The following SP110 variants were observed in gnomAD, a reference collection of about 807,000 sequenced individuals.
SP110 encodes interferon-induced protein 41, 30kD.
In SP110, 62 loss-of-function variants were observed where a neutral mutation model predicts 92.7. The observed-to-expected ratio is 0.67, with a 90% confidence interval of 0.55 to 0.83. SP110 has a LOEUF of 0.83. SP110 is among the 40% of genes least tolerant of loss of function. The pLI is 0.00. For synonymous variants in SP110, 273 were observed against 305.3 expected (o/e 0.89, Z 1.10); for missense variants, 793 against 863.9 (o/e 0.92, Z 1.03).
intron 8 of SP110, among the ~76,000 whole-genome samples, chr2:230,205,645 G>A (rs567114250): frequency 6.6e-6 from 1 of 152,000 alleles, no homozygotes; most frequent in Non-Finnish European, 1.5e-5. Flanking sequence ...TATACAGTTA[G>A]TGCTCACTGC....
upstream of SP110, among the ~76,000 whole-genome samples, chr2:230,222,395 C>T (rs899511156): frequency 1.3e-5 from 2 of 151,996 alleles, no homozygotes; most frequent in African/African-American, 4.8e-5. Flanking sequence ...GTACATTTTA[C>T]CAAATGTAGT....
intron 9 of SP110, 148 bp from the exon 10 acceptor site, chr2:230,201,113 G>T: frequency 1.4e-6 from 1 of 726,120 alleles, no homozygotes; most frequent in South Asian, 1.5e-5. Flanking sequence ...CAAGAGATTT[G>T]GTGCTGCTCA....
chr2:230,219,017 G>T (rs1426660315), intron 1 of SP110, among the ~76,000 whole-genome samples: 2 of 152,178 alleles, frequency 1.3e-5, no homozygotes, highest in African/African-American at 4.8e-5. Flanking sequence ...CTGAGGTCAG[G>T]AGTTCGAGAC....
At chr2:230,177,159 TG>T (rs1222549090) in intron 14 of SP110, among the ~76,000 whole-genome samples, 1 of 152,170 alleles carries the variant, frequency 6.6e-6, no homozygotes, top group Non-Finnish European at 1.5e-5. Flanking sequence ...GACCACGGAC[TG>T]GGCAGCCTGG....
At chr2:230,182,190 G>A (rs2148729073) in intron 12 of SP110, among the ~76,000 whole-genome samples, 1 of 151,752 alleles carries the variant, frequency 6.6e-6, no homozygotes, top group Non-Finnish European at 1.5e-5. Context: ...ATTATCCTCA[G>A]CAAACTAATG....
intron 10 of SP110, among the ~76,000 whole-genome samples, chr2:230,189,811 G>C (rs113480770): frequency 1.3e-5 from 2 of 152,040 alleles, no homozygotes; most frequent in African/African-American, 4.8e-5. Flanking sequence ...TTCTGTTCCT[G>C]TGTTACTTTG....
In SP110 at chr2:230,170,612, G is replaced by A. The variant is rs201368482; in HGVS notation, c.2028+9C>T. 1.2e-5 allele frequency: 19 copies of A among 1,613,980 alleles called. No homozygotes were observed. The highest frequency in any genetic ancestry group is 1.6e-5 in the Non-Finnish European group (19 of 1,179,996). ...AAGACGCAAAAAGGAAGCAGGAAATGCTCTTTACCTTGTAAAATGTTTTAT... is the reference window on the plus strand; with the variant it reads ...AAGACGCAAAAAGGAAGCAGGAAATACTCTTTACCTTGTAAAATGTTTTAT... On this transcript the variant is annotated intron_variant, in intron 18 of 18. Transcript: ENST00000258381.
At chr2:230,171,293 T>C (rs577143712) in intron 17 of SP110, among the ~76,000 whole-genome samples, 55 of 152,364 alleles carry the variant, frequency 3.6e-4, no homozygotes, top group African/African-American at 1.3e-3. Context: ...GGTTTTGCCA[T>C]GTTGGCCAAG....
chr2:230,199,280 C>T (rs1365834931), intron 10 of SP110, among the ~76,000 whole-genome samples: 2 of 134,532 alleles, frequency 1.5e-5, no homozygotes, highest in Non-Finnish European at 3.0e-5. Flanking sequence ...GTGATCTTGG[C>T]TCGCTGCAAC....
intron 2 of SP110, among the ~76,000 whole-genome samples, chr2:230,215,701 T>C (rs2045077021): frequency 6.6e-6 from 1 of 152,220 alleles, no homozygotes; most frequent in Non-Finnish European, 1.5e-5. Flanking sequence ...CTAGGCTCGG[T>C]CAGCGAGTCT....
At chr2:230,180,081 G>T (rs571130138) in intron 12 of SP110, among the ~76,000 whole-genome samples, 1 of 152,260 alleles carries the variant, frequency 6.6e-6, no homozygotes, top group South Asian at 2.1e-4. Context: ...GCTCTCTAAC[G>T]GCAGCTGGCT....
At chr2:230,209,049 A>G (rs1056433481) in intron 7 of SP110, among the ~76,000 whole-genome samples, 6 of 152,250 alleles carry the variant, frequency 3.9e-5, no homozygotes, top group African/African-American at 1.4e-4. Context: ...AAATAAGCAC[A>G]GAAAAATATA....
intron 1 of SP110, 127 bp downstream of exon 1, chr2:230,219,747 T>C (rs908436204): frequency 5.6e-6 from 1 of 179,508 alleles, no homozygotes; most frequent in Non-Finnish European, 1.1e-5. Flanking sequence ...GTACCACATG[T>C]CTGAGCTCTG....
At chr2:230,177,708 T>A in intron 13 of SP110, 28 bp from the exon 14 acceptor site, 2 of 1,613,000 alleles carry the variant, frequency 1.2e-6, no homozygotes, top group South Asian at 2.2e-5. Context: ...TTCTTGGATC[T>A]ACCCCCATCC....
intron 1 of SP110, among the ~76,000 whole-genome samples, chr2:230,219,085 C>T (rs367840292): frequency 4.6e-5 from 7 of 152,200 alleles, no homozygotes; most frequent in Non-Finnish European, 5.9e-5. Flanking sequence ...ATTAGCTGGG[C>T]GTGGTGGTGC....
chr2:230,187,941 G>A (rs552355960), intron 10 of SP110, among the ~76,000 whole-genome samples: 4 of 152,232 alleles, frequency 2.6e-5, no homozygotes, highest in South Asian at 4.1e-4. Context: ...CTCCAGATTT[G>A]TTCTTTTTGC....
intron 10 of SP110, among the ~76,000 whole-genome samples, chr2:230,190,448 G>A (rs2042567331): frequency 2.0e-5 from 3 of 150,792 alleles, no homozygotes; most frequent in Admixed American, 6.6e-5. Context: ...TGTAAATTCT[G>A]GATATTAAAC....
Position 230,175,733 on chromosome 2 carries a change from C to A in SP110, c.1590+1805G>T, listed in dbSNP as rs115079061. Reference sequence around the variant, plus strand: ...GGAGGTTGAGGAGGGGGAGTTAGTGCAGCCAATAGATGACTGCCATTTCCA... The same window carrying A: ...GGAGGTTGAGGAGGGGGAGTTAGTGAAGCCAATAGATGACTGCCATTTCCA... On this transcript the variant is annotated intron_variant, in intron 14 of 18. Transcript: ENST00000258381. 6.0e-3 allele frequency among the ~76,000 whole-genome samples: 908 copies of A among 152,188 alleles called. 6 individuals are homozygous for A. Among genetic ancestry groups the A allele is most frequent in the African/African-American group, 0.021 (870 of 41,510 alleles).
In SP110 at chr2:230,186,026, CT is replaced by C; in HGVS notation, c.1246del (p.Arg416GlufsTer10). On this transcript the variant is annotated frameshift_variant, in exon 11 of 19. Transcript: ENST00000258381. LOFTEE classifies it high-confidence loss of function. The part of the protein sequence containing the change: ...SEVMMRVQKA[R>X]TKCARKSRLK... ...TCTGGACTTTCGGGCACATTTAGTT[CT>C]TGCCTTTTGGACCCTCATCATGACC... is the stretch of plus-strand genomic sequence containing the variant. 1 of 1,614,116 alleles carries C rather than the reference CT, an allele frequency of 6.2e-7. No individual in the cohort carries two copies. The highest frequency in any genetic ancestry group is 8.5e-7 in the Non-Finnish European group (1 of 1,179,990).
Sources: gnomAD v4.1 joint callset for allele counts (sites outside exome capture counted in the v4.1 genomes callset) on GRCh38, gnomAD v4.1.1 for gene constraint, MANE v1.5 for transcripts, NCBI Gene and HGNC (gene_info 2026-07-23, HGNC 2026-07-21) for gene names.